Variants in XAF1 observed in about 807,000 individuals in gnomAD.
XAF1 encodes XIAP associated factor 1, also known as XIAP-associated factor 1.
Under a neutral mutation model 32.3 loss-of-function variants are expected in XAF1, and 32 were observed. The observed-to-expected ratio is 0.99, with a 90% CI of 0.75 to 1.33. XAF1 has a LOEUF of 1.33. Ranked by LOEUF, XAF1 falls within the 40% of genes most tolerant of loss-of-function variation. The probability of loss-of-function intolerance (pLI) is 0.00; values close to 1 mark genes in which losing one functional copy is unlikely to be tolerated. For missense variants in XAF1, 379 were observed against 366.0 expected (o/e 1.04, Z -0.29); for synonymous variants, 120 against 125.9 (o/e 0.95, Z 0.31).
At position 6,758,137 on chromosome 17, in the gene XAF1, C is replaced by A. The variant is rs761939132; in HGVS notation, c.81C>A (p.Cys27Ter). The change falls in exon 2 of 7, where the codon TGC (cysteine) becomes TGA (stop). Residue 27 changes from cysteine (C) to a stop codon, truncating the protein, a stop_gained. Transcript: ENST00000361842. LOFTEE classifies it high-confidence loss of function. ...ACTTCACCCTCCATGAGGCTTACTG[C>A]CTGCGGTTCCTGGTCCTGTGTCCGG... ...SANFTLHEAY[C>*]LRFLVLCPEC... 6 of 1,614,248 alleles carry A rather than the reference C, an allele frequency of 3.7e-6. No homozygotes were observed. In the South Asian group the frequency reaches 6.6e-5, roughly 18 times the overall value.
In XAF1 at chr17:6,760,148, G is replaced by GATCCACGA. The variant is rs1410917777; in HGVS notation, c.226-257_226-256insTCCACGAA. On this transcript the variant is annotated intron_variant, in intron 3 of 6. Coordinates refer to ENST00000361842, the MANE Select transcript of XAF1 (RefSeq NM_017523.5). ...GTGGATCACGAGGTCAGGAGTTCGA[G>GATCCACGA]ACCAGCCTGACCAACATGGTGAAAC... 3.1e-4 allele frequency among the ~76,000 whole-genome samples: 47 copies of GATCCACGA among 152,210 alleles called. 1 individual carries two copies. Among genetic ancestry groups the GATCCACGA allele is most frequent in the African/African-American group, 1.0e-3 (43 of 41,534 alleles).
At chr17:6,763,423 G>A (rs907430137) in intron 5 of XAF1, among the ~76,000 whole-genome samples, 4 of 152,100 alleles carry the variant, frequency 2.6e-5, no homozygotes, top group African/African-American at 9.7e-5. Context: ...TGCCTCCCGG[G>A]TTCAAGCGAT....
intron 1 of XAF1, among the ~76,000 whole-genome samples, chr17:6,756,717 C>A (rs1269487404): frequency 6.6e-6 from 1 of 152,094 alleles, no homozygotes; most frequent in East Asian, 1.9e-4. Context: ...CTCAACCAGC[C>A]CAGGAAGAGC....
intron 5 of XAF1, among the ~76,000 whole-genome samples, chr17:6,765,444 A>AT (rs1179252711): frequency 6.6e-6 from 1 of 152,152 alleles, no homozygotes; most frequent in East Asian, 1.9e-4. Flanking sequence ...AAATTTAAAA[A>AT]TTTTTTAAAA....
At chr17:6,770,154 T>C (rs770543836) in intron 5 of XAF1, among the ~76,000 whole-genome samples, 6 of 152,128 alleles carry the variant, frequency 3.9e-5, no homozygotes, top group Non-Finnish European at 7.3e-5. Context: ...AGAGTAATAA[T>C]AAAGAACACA....
intron 1 of XAF1, among the ~76,000 whole-genome samples, chr17:6,756,482 C>T (rs905655522): frequency 1.1e-4 from 16 of 151,186 alleles, no homozygotes; most frequent in African/African-American, 3.2e-4. Context: ...AAGTGTCCCA[C>T]GGAGATTCTC....
At chr17:6,759,001 G>T (rs67528158) in intron 2 of XAF1, 77,305 of 368,896 alleles carry the variant, frequency 0.21, 8,490 homozygotes, top group East Asian at 0.26. Context: ...CATCCTCCCT[G>T]CAAGAAAGAA....
intron 4 of XAF1, chr17:6,761,699 C>G: frequency 1.9e-6 from 1 of 517,392 alleles, no homozygotes; most frequent in South Asian, 2.1e-5. Context: ...GAATCAAACA[C>G]AGTCTTCAAC....
At chr17:6,756,004 C>CGTCGG, upstream of XAF1, 1 of 1,611,518 alleles carries the variant, frequency 6.2e-7, no homozygotes, top group African/African-American at 1.3e-5. Flanking sequence ...TGGGCTGGGC[C>CGTCGG]ATCGGAAAAC....
At chr17:6,763,969 A>G (rs73356258) in intron 5 of XAF1, among the ~76,000 whole-genome samples, 1,549 of 152,322 alleles carry the variant, frequency 0.01, 36 homozygotes, top group African/African-American at 0.035. Flanking sequence ...GTGAGCACCA[A>G]AACAAGAGTA....
At chr17:6,768,443 C>T (rs1975781202) in intron 5 of XAF1, among the ~76,000 whole-genome samples, 1 of 152,042 alleles carries the variant, frequency 6.6e-6, no homozygotes, top group South Asian at 2.1e-4. Flanking sequence ...ACAAGTTTAC[C>T]CTTCTCTTTA....
chr17:6,773,165 G>C lies in XAF1; in HGVS notation c.902G>C (p.Ser301Thr), dbSNP rs757148508. 10 of 1,602,924 alleles carry C rather than the reference G, an allele frequency of 6.2e-6. No individual in the cohort carries two copies. The East Asian group carries it at 2.3e-4, about 36-fold the overall frequency. The change falls in exon 7 of 7, where the codon AGC becomes ACC. Residue 301 changes from serine to threonine, a missense_variant. Ser to Thr is a moderately conservative substitution (Grantham distance 58). Transcript: ENST00000361842. ...SSKGKQVRNF[S>T] The stretch of plus-strand genomic sequence containing the variant: ...AAAGGAAAACAAGTGAGAAATTTCA[G>C]CTAGATTTGGAAAAGGAAAGGTACT...
chr17:6,764,997 G>T (rs1201366175), intron 5 of XAF1, among the ~76,000 whole-genome samples: 1 of 152,140 alleles, frequency 6.6e-6, no homozygotes, highest in African/African-American at 2.4e-5. Context: ...GACATTGGTG[G>T]TCTCTCATTC....
Position 6,759,629 on chromosome 17 carries a change from G to GGTGTGTGTGTGTGTGT in XAF1, c.169-20_169-5dup, listed in dbSNP as rs3833979. 12 of 1,512,350 alleles carry GGTGTGTGTGTGTGTGT rather than the reference G, an allele frequency of 7.9e-6. No individual in the cohort carries two copies. The African/African-American group carries it at 1.5e-4, about 19-fold the overall frequency. The allele number at this position is 1,512,350 out of a possible 1,614,324, so 93.7% of individuals were successfully genotyped here. A position where few individuals can be genotyped will look rare whatever the true frequency, so the allele number is the denominator to read the frequency against. On this transcript the variant is annotated intron_variant, in intron 2 of 6. Transcript: ENST00000361842. ...CTGGGTGCTGGGTGGACCCACATCT[G>GGTGTGTGTGTGTGTGT]GTGTGTGTGTGTGTGTGTGTGTGTG...
At chr17:6,757,849 T>C (rs1016740758) in intron 1 of XAF1, among the ~76,000 whole-genome samples, 3 of 152,038 alleles carry the variant, frequency 2.0e-5, no homozygotes, top group African/African-American at 7.2e-5. Context: ...CTCCTGCTCC[T>C]TCCCATGCCC....
chr17:6,760,347 C>CAA (rs71383422), intron 3 of XAF1, 59 bp from the exon 4 acceptor site: 140,482 of 991,172 alleles, frequency 0.14, 2,057 homozygotes, highest in East Asian at 0.17. Context: ...GACTCTGTCT[C>CAA]AAAAAAAAAA....
chr17:6,756,116 A>T lies in XAF1; in HGVS notation c.32+6A>T, dbSNP rs375002674. On this transcript the variant is annotated splice_donor_region_variant and intron_variant, in intron 1 of 6. Coordinates refer to ENST00000361842, the MANE Select transcript of XAF1 (RefSeq NM_017523.5). The stretch of plus-strand genomic sequence containing the variant: ...TTCTCGGTGTGCAGGAACTGGTAAG[A>T]AAGTGCTTTCTCCAGCGGCAGACCC... 34 of 1,613,908 alleles carry T rather than the reference A, an allele frequency of 2.1e-5. No homozygotes were observed. Among genetic ancestry groups the T allele is most frequent in the African/African-American group, 4.0e-5 (3 of 74,868 alleles).
At chr17:6,760,687 C>T (rs1244251143) in intron 4 of XAF1, 86 bp downstream of exon 4, 39 of 1,318,138 alleles carry the variant, frequency 3.0e-5, no homozygotes, top group Admixed American at 4.5e-5. Flanking sequence ...AAGCTCTCAA[C>T]AGGACGGATG....
intron 4 of XAF1, chr17:6,761,828 GCA>G: frequency 7.4e-7 from 1 of 1,356,320 alleles, no homozygotes; most frequent in Non-Finnish European, 9.7e-7. Flanking sequence ...CAATGAAAGA[GCA>G]CAGTCAGAAT....
Sources: gnomAD v4.1 joint callset for allele counts (sites outside exome capture counted in the v4.1 genomes callset) on GRCh38, gnomAD v4.1.1 for gene constraint, MANE v1.5 for transcripts, NCBI Gene and HGNC (gene_info 2026-07-23, HGNC 2026-07-21) for gene names.